Variants in GPC4 observed in about 807,000 individuals in gnomAD.
The protein encoded by GPC4 is glypican 4.
Under a neutral mutation model 35.0 loss-of-function variants are expected in GPC4, and 10 were observed. The observed-to-expected ratio is 0.29, with a 90% CI of 0.18 to 0.48. GPC4 has a LOEUF of 0.48. Among genes scored for constraint, GPC4 ranks in the 20% least tolerant of loss-of-function variants. GPC4 has a pLI of 0.99. For missense variants in GPC4, 322 were observed against 451.3 expected, an observed-to-expected ratio of 0.71 and a Z score of 2.60; for synonymous variants, 167 against 170.2, an observed-to-expected ratio of 0.98 and a Z score of 0.15.
intron 2 of GPC4, among the ~76,000 whole-genome samples, chrX:133,328,870 C>T (rs1420558590): frequency 1.8e-5 from 2 of 111,855 alleles, no homozygotes; most frequent in African/African-American, 6.5e-5. Flanking sequence ...AAAAATGCTG[C>T]TCAGGGAATC....
intron 2 of GPC4, among the ~76,000 whole-genome samples, chrX:133,330,672 G>T (rs1427815692): frequency 1.8e-5 from 2 of 110,157 alleles, no homozygotes; most frequent in Non-Finnish European, 3.8e-5. Context: ...CCTTGGCCAG[G>T]TGCAGCAGCT....
intron 1 of GPC4, among the ~76,000 whole-genome samples, chrX:133,394,582 G>C: frequency 9.0e-6 from 1 of 111,233 alleles, no homozygotes; most frequent in African/African-American, 3.3e-5. Flanking sequence ...TCAGTACACA[G>C]GTTCTTGCTT....
chrX:133,338,503 T>A (rs1377407666), intron 2 of GPC4, among the ~76,000 whole-genome samples: 2 of 112,026 alleles, frequency 1.8e-5, no homozygotes, highest in Non-Finnish European at 3.8e-5. Context: ...CAAAGTACAC[T>A]TTCAATTGGC....
At chrX:133,310,681 C>T (rs895128367) in intron 4 of GPC4, among the ~76,000 whole-genome samples, 8 of 111,985 alleles carry the variant, frequency 7.1e-5, no homozygotes, top group Admixed American at 1.9e-4. Context: ...ATAACAAATG[C>T]GTATCTGGCC....
intron 7 of GPC4, 137 bp from the exon 8 acceptor site, chrX:133,303,478 T>G: frequency 2.0e-6 from 1 of 488,295 alleles, no homozygotes; most frequent in Non-Finnish European, 3.3e-6. Flanking sequence ...TCTGCTAGAT[T>G]CTAGTATTTC....
intron 2 of GPC4, among the ~76,000 whole-genome samples, chrX:133,328,873 A>G (rs1193057778): frequency 8.9e-6 from 1 of 112,168 alleles, no homozygotes; most frequent in Non-Finnish European, 1.9e-5. Context: ...AATGCTGCTC[A>G]GGGAATCTGT....
At chrX:133,358,848 C>A (rs2068553595) in intron 1 of GPC4, among the ~76,000 whole-genome samples, 1 of 110,748 alleles carries the variant, frequency 9.0e-6, no homozygotes, top group Admixed American at 9.6e-5. Context: ...AGATTGGTAC[C>A]ATAGATTTCC....
At chrX:133,414,056 T>G (rs367664169) in intron 1 of GPC4, among the ~76,000 whole-genome samples, 8 of 110,769 alleles carry the variant, frequency 7.2e-5, no homozygotes, top group African/African-American at 2.6e-4. Context: ...AATTAACCCT[T>G]AAAATGAGGT....
intron 3 of GPC4, among the ~76,000 whole-genome samples, chrX:133,312,292 T>C (rs1333647054): frequency 1.8e-5 from 2 of 110,550 alleles, no homozygotes; most frequent in Admixed American, 1.9e-4. Flanking sequence ...CACAGGAGTA[T>C]GCGTGTGGCC....
At position 133,373,733 on chromosome X, in the gene GPC4, G is replaced by C. The variant is rs139864868; in HGVS notation, c.161-34392C>G. Reference sequence around the variant, plus strand: ...GTCCCTTTCTGGAGTCTCTAGAATAGGAAAGGAGAGGTAAACTATCTCCAA... The same window carrying C: ...GTCCCTTTCTGGAGTCTCTAGAATACGAAAGGAGAGGTAAACTATCTCCAA... On this transcript the variant is annotated intron_variant, in intron 1 of 8. Transcript: ENST00000370828. Among the ~76,000 whole-genome samples, 747 of 111,891 alleles carry C rather than the reference G, an allele frequency of 6.7e-3. 5 individuals are homozygous for C. Among genetic ancestry groups the C allele is most frequent in the Non-Finnish European group, 9.9e-3 (526 of 53,169 alleles).
intron 2 of GPC4, among the ~76,000 whole-genome samples, chrX:133,331,702 A>G (rs773448854): frequency 1.8e-5 from 2 of 108,891 alleles, no homozygotes; most frequent in Non-Finnish European, 3.8e-5. Flanking sequence ...AAGTGGTTGA[A>G]GTGAGCCAAG....
At chrX:133,315,002 C>T (rs2068330849) in intron 3 of GPC4, among the ~76,000 whole-genome samples, 1 of 110,225 alleles carries the variant, frequency 9.1e-6, no homozygotes, top group African/African-American at 3.3e-5. Flanking sequence ...CTTTTGGAGT[C>T]TTTAAGAGCC....
At chrX:133,397,650 A>G (rs1038681750) in intron 1 of GPC4, among the ~76,000 whole-genome samples, 8 of 112,055 alleles carry the variant, frequency 7.1e-5, no homozygotes, top group African/African-American at 2.6e-4. Context: ...TTGCCCTATC[A>G]TAAGCTCATG....
intron 3 of GPC4, among the ~76,000 whole-genome samples, chrX:133,319,050 T>C (rs1320210403): frequency 4.5e-5 from 5 of 112,248 alleles, no homozygotes; most frequent in Non-Finnish European, 5.6e-5. Context: ...TGCAACCCCT[T>C]TGCTGCAAAA....
intron 1 of GPC4, among the ~76,000 whole-genome samples, chrX:133,391,511 G>T (rs1489331881): frequency 8.9e-6 from 1 of 111,847 alleles, no homozygotes; most frequent in Admixed American, 9.5e-5. Context: ...GTTTTCTGCT[G>T]GTTAATTTTG....
intron 1 of GPC4, among the ~76,000 whole-genome samples, chrX:133,401,728 GA>G (rs199625112): frequency 0.016 from 1,807 of 111,910 alleles, 43 homozygotes; most frequent in African/African-American, 0.054. Flanking sequence ...AGGGCAGAAA[GA>G]AAAGTTAGTT....
At chrX:133,337,318 A>AAAC (rs976016062) in intron 2 of GPC4, among the ~76,000 whole-genome samples, 9 of 112,359 alleles carry the variant, frequency 8.0e-5, no homozygotes, top group African/African-American at 2.9e-4. Context: ...TTTAAGAAGA[A>AAAC]AACAACAACA....
chrX:133,397,546 G>C (rs749094959), intron 1 of GPC4, among the ~76,000 whole-genome samples: 29 of 107,685 alleles, frequency 2.7e-4, no homozygotes, highest in Non-Finnish European at 4.2e-4. Context: ...GACAGAGTAA[G>C]ACCTTGTCTC....
At chrX:133,401,408 TG>T (rs758381398) in intron 1 of GPC4, among the ~76,000 whole-genome samples, 3 of 111,064 alleles carry the variant, frequency 2.7e-5, no homozygotes, top group Non-Finnish European at 5.7e-5. Context: ...TAATGAGGGG[TG>T]AGACCAGGAT....
Sources: gnomAD v4.1 joint callset for allele counts (sites outside exome capture counted in the v4.1 genomes callset) on GRCh38, gnomAD v4.1.1 for gene constraint, MANE v1.5 for transcripts, NCBI Gene and HGNC (gene_info 2026-07-23, HGNC 2026-07-21) for gene names.